FOXN3: variants seen among roughly 807,000 people sequenced by gnomAD.
FOXN3 encodes the protein forkhead box protein N3.
A neutral mutation model predicts 38.4 loss-of-function variants in FOXN3; 7 were observed. The ratio of observed to expected loss-of-function variants is 0.18; its 90% CI spans 0.10 to 0.34. FOXN3 has a LOEUF of 0.34. Ranked by LOEUF, FOXN3 falls within the 10% of genes least tolerant of loss-of-function variation. The pLI is 1.00. For missense variants in FOXN3, 456 were observed against 613.4 expected (o/e 0.74, Z 2.71); for synonymous variants, 230 against 242.2 (o/e 0.95, Z 0.47).
chr14:89,170,643 A>G (rs1887365562), intron 5 of FOXN3, among the ~76,000 whole-genome samples: 1 of 152,236 alleles, frequency 6.6e-6, no homozygotes, highest in Admixed American at 6.5e-5. Flanking sequence ...CAAAGAAGCA[A>G]TAATGTACAG....
chr14:89,288,477 A>G (rs1886707128), intron 3 of FOXN3, among the ~76,000 whole-genome samples: 2 of 152,132 alleles, frequency 1.3e-5, no homozygotes, highest in Non-Finnish European at 2.9e-5. Flanking sequence ...TTACTTTTAA[A>G]CAATTATCAT....
In FOXN3 at chr14:89,565,964, A is replaced by G. The variant is rs544825552; in HGVS notation, c.-15+53064T>C. The stretch of plus-strand genomic sequence containing the variant: ...GTCAAGGTCATTTCGCCCCGGAAAT[A>G]TAAAACCTGCTGTGTAGCGAAGGGG... On this transcript the variant is annotated intron_variant, in intron 1 of 6. Coordinates refer to the FOXN3 transcript ENST00000345097. Among the ~76,000 whole-genome samples the G allele has an allele frequency of 7.2e-5, 11 of 152,362 alleles. No homozygotes were observed. The East Asian group carries it at 2.1e-3, about 29-fold the overall frequency.
chr14:89,286,210 G>T (rs1222238738), intron 3 of FOXN3, among the ~76,000 whole-genome samples: 1 of 151,970 alleles, frequency 6.6e-6, no homozygotes, highest in Non-Finnish European at 1.5e-5. Context: ...AAGGGAGGGG[G>T]AGGAAGAAGA....
At chr14:89,614,197 C>T (rs1896449254) in intron 1 of FOXN3, among the ~76,000 whole-genome samples, 1 of 152,114 alleles carries the variant, frequency 6.6e-6, no homozygotes, top group Admixed American at 6.5e-5. Context: ...TCATGAATGA[C>T]ACTTCATATG....
At chr14:89,390,013 A>G (rs1890894251) in intron 2 of FOXN3, among the ~76,000 whole-genome samples, 1 of 152,102 alleles carries the variant, frequency 6.6e-6, no homozygotes, top group Admixed American at 6.6e-5. Context: ...TGCACTCAGG[A>G]GTTCGAGACC....
At chr14:89,573,612 G>C (rs1428727976) in intron 1 of FOXN3, among the ~76,000 whole-genome samples, 1 of 152,152 alleles carries the variant, frequency 6.6e-6, no homozygotes, top group East Asian at 1.9e-4. Flanking sequence ...GAGTCCAACA[G>C]CAGTTTCTAA....
intron 2 of FOXN3, among the ~76,000 whole-genome samples, chr14:89,377,523 T>C (rs1463714178): frequency 6.6e-6 from 1 of 152,000 alleles, no homozygotes; most frequent in Admixed American, 6.6e-5. Context: ...AACTTTGTTT[T>C]CATCAGTTCA....
intron 2 of FOXN3, among the ~76,000 whole-genome samples, chr14:89,360,744 ACCTCC>A (rs1889479669): frequency 8.4e-6 from 1 of 118,598 alleles, no homozygotes; most frequent in African/African-American, 3.9e-5. Context: ...CTCCAGCACC[ACCTCC>A]ACCACCACCT....
chr14:89,247,797 C>G (rs1032834332), intron 4 of FOXN3, among the ~76,000 whole-genome samples: 1 of 152,202 alleles, frequency 6.6e-6, no homozygotes, highest in Non-Finnish European at 1.5e-5. Context: ...CTTCCCATCA[C>G]AATTAGAATA....
At chr14:89,443,551 A>G (rs1427647824) in intron 1 of FOXN3, among the ~76,000 whole-genome samples, 1 of 152,220 alleles carries the variant, frequency 6.6e-6, no homozygotes, top group Non-Finnish European at 1.5e-5. Context: ...ACTTCAGAGA[A>G]AGGAAAGGGG....
intron 4 of FOXN3, among the ~76,000 whole-genome samples, chr14:89,222,705 C>T (rs1884505262): frequency 1.3e-5 from 2 of 152,090 alleles, no homozygotes; most frequent in South Asian, 2.1e-4. Context: ...CCTAGGAAGG[C>T]GATGCCCAAA....
intron 1 of FOXN3, among the ~76,000 whole-genome samples, chr14:89,599,688 A>C (rs1402007038): frequency 2.6e-5 from 4 of 152,146 alleles, no homozygotes; most frequent in Non-Finnish European, 5.9e-5. Context: ...TCTTCCTCCA[A>C]AGAGAATTTT....
At chr14:89,451,834 T>C (rs1892618251) in intron 1 of FOXN3, among the ~76,000 whole-genome samples, 1 of 152,192 alleles carries the variant, frequency 6.6e-6, no homozygotes, top group Non-Finnish European at 1.5e-5. Flanking sequence ...CATTTTTGAA[T>C]GCTGTCACTC....
upstream of FOXN3, among the ~76,000 whole-genome samples, chr14:89,418,893 C>T (rs896733871): frequency 3.3e-5 from 5 of 152,138 alleles, no homozygotes; most frequent in Admixed American, 1.3e-4. Flanking sequence ...AGGACGAAGT[C>T]GCCCCCTTAC....
intron 4 of FOXN3, among the ~76,000 whole-genome samples, chr14:89,235,077 G>GC (rs756322056): frequency 6.6e-6 from 1 of 152,148 alleles, no homozygotes; most frequent in Non-Finnish European, 1.5e-5. Context: ...TCTGGCAACT[G>GC]CCCCCTGAGA....
chr14:89,388,608 T>G (rs900330506), intron 2 of FOXN3, among the ~76,000 whole-genome samples: 2 of 152,048 alleles, frequency 1.3e-5, no homozygotes, highest in African/African-American at 4.8e-5. Flanking sequence ...AGACACGTGA[T>G]GAACAAGTCA....
At chr14:89,353,381 G>C (rs1485750983) in intron 2 of FOXN3, 1 of 152,114 alleles carries the variant, frequency 6.6e-6, no homozygotes, top group Non-Finnish European at 1.5e-5. Flanking sequence ...ATATCTGATT[G>C]ATTTTCATCT....
rs1296127773 is a variant in FOXN3, at chr14:89,156,306, T to C, written c.*6108A>G. 6 of 152,658 alleles carry C rather than the reference T, an allele frequency of 3.9e-5. No individual in the cohort carries two copies. The highest frequency in any genetic ancestry group is 3.9e-4 in the Admixed American group (6 of 15,288). The allele number at this position is 152,658 out of a possible 1,614,324, so 9.5% of individuals were successfully genotyped here. A position where few individuals can be genotyped will look rare whatever the true frequency, so the allele number is the denominator to read the frequency against. On this transcript the variant is annotated 3_prime_UTR_variant, in exon 6 of 6. Transcript: ENST00000557258. ...TGATGAAATAGTTTGTCTTTGGCAA[T>C]ATGATTACATACGAAGAATGCAAAA...
chr14:89,456,815 G>A (rs1892736489), intron 1 of FOXN3, among the ~76,000 whole-genome samples: 1 of 152,176 alleles, frequency 6.6e-6, no homozygotes, highest in African/African-American at 2.4e-5. Context: ...ACTGAGCTGA[G>A]AAGCCAGTCA....
Sources: gnomAD v4.1 joint callset for allele counts (sites outside exome capture counted in the v4.1 genomes callset) on GRCh38, gnomAD v4.1.1 for gene constraint, MANE v1.5 for transcripts, NCBI Gene and HGNC (gene_info 2026-07-23, HGNC 2026-07-21) for gene names.